The following NKAIN2 variants were observed in gnomAD, a reference collection of about 807,000 sequenced individuals.
NKAIN2 encodes the protein sodium/potassium transporting ATPase interacting 2.
A neutral mutation model predicts 32.6 loss-of-function variants in NKAIN2; 14 were observed. The observed-to-expected ratio is 0.43, with a 90% CI of 0.28 to 0.67. NKAIN2 has a LOEUF of 0.67. NKAIN2 is among the 30% of genes least tolerant of loss of function. NKAIN2 has a pLI of 0.17. For synonymous variants in NKAIN2, 80 were observed against 87.2 expected (o/e 0.92, Z 0.46); for missense variants, 198 against 258.3 (o/e 0.77, Z 1.60).
At chr6:124,290,949 C>A (rs2114946651) in intron 2 of NKAIN2, among the ~76,000 whole-genome samples, 1 of 152,162 alleles carries the variant, frequency 6.6e-6, no homozygotes, top group Non-Finnish European at 1.5e-5. Flanking sequence ...ACTGTTTGTT[C>A]TCAAGCCCTA....
In NKAIN2 at chr6:124,420,902, T is replaced by C. The variant is rs536449611; in HGVS notation, c.273+65555T>C. ...CACTAGGACGAGTAGCATTTGTTGT[T>C]ATGAGTAGAATTTGTACTAGAAAAA... On this transcript the variant is annotated intron_variant, in intron 3 of 6. Coordinates refer to ENST00000368417, the MANE Select transcript of NKAIN2 (RefSeq NM_001040214.3). Among the ~76,000 whole-genome samples the C allele has an allele frequency of 2.6e-4, 40 of 152,114 alleles. No homozygotes were observed. The South Asian group carries it at 8.3e-3, about 32-fold the overall frequency.
At chr6:124,046,151 T>A in intron 1 of NKAIN2, among the ~76,000 whole-genome samples, 1 of 152,120 alleles carries the variant, frequency 6.6e-6, no homozygotes, top group South Asian at 2.1e-4. Flanking sequence ...TGGGTTTATA[T>A]CTGTTGGAGT....
At chr6:123,936,731 A>G (rs1300694866) in intron 1 of NKAIN2, among the ~76,000 whole-genome samples, 5 of 152,110 alleles carry the variant, frequency 3.3e-5, no homozygotes, top group Non-Finnish European at 7.4e-5. Context: ...TTTGTGTGCC[A>G]CTAAATTTTA....
At chr6:123,924,284 A>T (rs1338570003) in intron 1 of NKAIN2, among the ~76,000 whole-genome samples, 1 of 152,192 alleles carries the variant, frequency 6.6e-6, no homozygotes, top group East Asian at 1.9e-4. Flanking sequence ...CTCTGCCCTG[A>T]TTTCAGTTCC....
chr6:124,395,620 T>C (rs62436275), intron 3 of NKAIN2, among the ~76,000 whole-genome samples: 17,703 of 152,172 alleles, frequency 0.12, 1,384 homozygotes, highest in African/African-American at 0.23. Context: ...AGCATGTGAG[T>C]TAGAGGAATG....
intron 1 of NKAIN2, among the ~76,000 whole-genome samples, chr6:124,280,709 G>T (rs890773504): frequency 6.6e-6 from 1 of 152,110 alleles, no homozygotes. Flanking sequence ...ATAGTTAATA[G>T]TCTTCCTGTG....
intron 3 of NKAIN2, among the ~76,000 whole-genome samples, chr6:124,456,947 G>T (rs1159677264): frequency 1.3e-5 from 2 of 151,880 alleles, no homozygotes; most frequent in African/African-American, 2.4e-5. Context: ...TGGCAGTGGT[G>T]TAAGATGGGA....
chr6:124,226,903 A>G (rs1792142179), intron 1 of NKAIN2, among the ~76,000 whole-genome samples: 1 of 152,122 alleles, frequency 6.6e-6, no homozygotes, highest in Non-Finnish European at 1.5e-5. Flanking sequence ...CTTTTTGTGA[A>G]AAGCACTTAA....
chr6:124,312,191 A>G (rs1796746978), intron 2 of NKAIN2, among the ~76,000 whole-genome samples: 1 of 152,184 alleles, frequency 6.6e-6, no homozygotes. Context: ...CACAAACTTT[A>G]CACCACAACA....
intron 4 of NKAIN2, among the ~76,000 whole-genome samples, chr6:124,703,029 A>C (rs1774876491): frequency 6.6e-6 from 1 of 152,046 alleles, no homozygotes; most frequent in Admixed American, 6.6e-5. Context: ...ATAGAGTAAA[A>C]GTTGCATGCA....
At chr6:124,103,740 G>C (rs1461617874) in intron 1 of NKAIN2, among the ~76,000 whole-genome samples, 1 of 152,130 alleles carries the variant, frequency 6.6e-6, no homozygotes, top group African/African-American at 2.4e-5. Context: ...AAAGAAAGTA[G>C]AAGTAGCCTA....
intron 1 of NKAIN2, among the ~76,000 whole-genome samples, chr6:124,111,144 T>C (rs1055196802): frequency 2.6e-5 from 4 of 152,158 alleles, no homozygotes; most frequent in African/African-American, 9.7e-5. Context: ...TATGAAATAC[T>C]CTGGAGAAAG....
At chr6:124,399,084 A>G (rs377761640) in intron 3 of NKAIN2, among the ~76,000 whole-genome samples, 16 of 152,022 alleles carry the variant, frequency 1.1e-4, no homozygotes, top group African/African-American at 3.9e-4. Flanking sequence ...GCACCCCCAC[A>G]CCTGACTAAT....
At chr6:124,189,855 A>T (rs553887439) in intron 1 of NKAIN2, among the ~76,000 whole-genome samples, 2 of 152,316 alleles carry the variant, frequency 1.3e-5, no homozygotes, top group South Asian at 4.1e-4. Context: ...TGTTCTCCCA[A>T]CTCAGACATA....
intron 3 of NKAIN2, among the ~76,000 whole-genome samples, chr6:124,474,979 G>T (rs1363694377): frequency 6.7e-6 from 1 of 149,104 alleles, no homozygotes; most frequent in African/African-American, 2.5e-5. Flanking sequence ...AGACACGCAT[G>T]CATATATATA....
intron 4 of NKAIN2, among the ~76,000 whole-genome samples, chr6:124,752,880 T>G (rs1421506326): frequency 6.6e-6 from 1 of 152,106 alleles, no homozygotes; most frequent in East Asian, 1.9e-4. Flanking sequence ...ACAGAAAATA[T>G]TTCAAATGCC....
chr6:124,491,038 G>T (rs905993807), intron 3 of NKAIN2, among the ~76,000 whole-genome samples: 1 of 151,848 alleles, frequency 6.6e-6, no homozygotes, highest in Non-Finnish European at 1.5e-5. Context: ...TAAATTTCTG[G>T]TTGCAAGATT....
chr6:124,202,641 A>G (rs1554265952), intron 1 of NKAIN2, among the ~76,000 whole-genome samples: 2 of 151,860 alleles, frequency 1.3e-5, no homozygotes, highest in Non-Finnish European at 2.9e-5. Context: ...GTCATTTAAC[A>G]CCTTTGAATG....
chr6:123,824,128 T>C (rs1774039214), intron 1 of NKAIN2, among the ~76,000 whole-genome samples: 1 of 152,118 alleles, frequency 6.6e-6, no homozygotes. Flanking sequence ...TTTTGACCTT[T>C]TTGACAATCT....
Sources: allele counts gnomAD v4.1 joint callset (sites outside exome capture counted in the v4.1 genomes callset), GRCh38; gene constraint gnomAD v4.1.1; transcripts MANE v1.5; gene names NCBI Gene and HGNC (gene_info 2026-07-23, HGNC 2026-07-21).